HPS4: variants seen among roughly 807,000 people sequenced by gnomAD.
HPS4 encodes the protein BLOC-3 complex member HPS4.
HPS4 carries 44 observed loss-of-function variants against 70.3 expected under a neutral mutation model. The ratio of observed to expected loss-of-function variants is 0.63; its 90% confidence interval spans 0.49 to 0.80. The LOEUF (loss-of-function observed/expected upper bound fraction) is 0.80. HPS4 is among the 30% of genes least tolerant of loss of function. The probability of loss-of-function intolerance (pLI) is 0.00; values close to 1 mark genes in which losing one functional copy is unlikely to be tolerated. For synonymous variants in HPS4, 377 were observed against 355.9 expected, an observed-to-expected ratio of 1.06 and a Z score of -0.67; for missense variants, 873 against 884.4, an observed-to-expected ratio of 0.99 and a Z score of 0.16.
chr22:26,444,719 A>G (rs1320968069), intron 3 of HPS4: 2 of 152,292 alleles, frequency 1.3e-5, no homozygotes. Context: ...CACAGTTGAA[A>G]TGCACCAGGC....
chr22:26,481,145 T>C (rs1366868788), intron 2 of HPS4, among the ~76,000 whole-genome samples: 1 of 152,098 alleles, frequency 6.6e-6, no homozygotes, highest in East Asian at 1.9e-4. Context: ...GAAAGAAAAC[T>C]TGGGTGTCAT....
rs773505923 is a variant in HPS4, at chr22:26,472,400, G to A, written c.403C>T (p.Leu135=). ...LAYENCSQEE[L]STEWDTFIEQ... ...ATGAAGGTGTCCCACTCCGTGCTCA[G>A]TTCTTCCTGAGAACAGTTCTAAAAC... The change falls in exon 6 of 14, where the codon CTG becomes TTG. Residue 135 remains leucine, a synonymous_variant. Coordinates refer to ENST00000398145, the MANE Select transcript of HPS4 (RefSeq NM_022081.6). 3 of 1,609,182 alleles carry A rather than the reference G, an allele frequency of 1.9e-6. No individual in the cohort carries two copies. The highest frequency in any genetic ancestry group is 2.6e-6 in the Non-Finnish European group (3 of 1,175,446).
chr22:26,464,869 C>T (rs2146571630), intron 10 of HPS4, 43 bp from the exon 11 acceptor site: 1 of 1,536,632 alleles, frequency 6.5e-7, no homozygotes, highest in South Asian at 1.3e-5. Flanking sequence ...CGTTGACAGA[C>T]TGCAGGGCAA....
rs763291399 is a variant in HPS4 at position 26,481,680 on chromosome 22, C to T, written c.41+42G>A. 4 of 1,596,458 alleles carry T rather than the reference C, an allele frequency of 2.5e-6. No individual in the cohort carries two copies. The South Asian group carries it at 4.4e-5, about 18-fold the overall frequency. On this transcript the variant is annotated intron_variant, in intron 2 of 13. Coordinates refer to ENST00000398145, the MANE Select transcript of HPS4 (RefSeq NM_022081.6). Reference sequence around the variant, plus strand: ...CAATTAACCCCAAAACTCTAACCAACAGCCCAGCAAAAGCTATGCCATGGC... The same window carrying T: ...CAATTAACCCCAAAACTCTAACCAATAGCCCAGCAAAAGCTATGCCATGGC...
chr22:26,446,314 T>G (rs1601717790), downstream of HPS4, among the ~76,000 whole-genome samples: 1 of 152,290 alleles, frequency 6.6e-6, no homozygotes, highest in East Asian at 1.9e-4. Flanking sequence ...CATCAGCCCC[T>G]AGAGTCACCC....
intron 12 of HPS4, 140 bp from the exon 13 acceptor site, chr22:26,458,107 G>A (rs1184418925): frequency 6.4e-6 from 5 of 780,400 alleles, no homozygotes; most frequent in South Asian, 2.9e-5. Context: ...ACAAAGGCCC[G>A]GGGCATTGGG....
intron 11 of HPS4, among the ~76,000 whole-genome samples, chr22:26,461,385 C>T (rs905907115): frequency 1.3e-4 from 20 of 152,220 alleles, no homozygotes; most frequent in African/African-American, 3.6e-4. Flanking sequence ...GGACTATCAG[C>T]GGCTCTATGC....
chr22:26,472,578 G>C (rs529593305), intron 5 of HPS4, among the ~76,000 whole-genome samples, 160 bp from the exon 6 acceptor site: 1 of 152,354 alleles, frequency 6.6e-6, no homozygotes, highest in African/African-American at 2.4e-5. Context: ...GGCGCCTGCC[G>C]CGTGGGGGTG....
intron 7 of HPS4, among the ~76,000 whole-genome samples, chr22:26,469,478 G>A (rs1413343238): frequency 1.3e-5 from 2 of 151,604 alleles, no homozygotes; most frequent in African/African-American, 2.4e-5. Context: ...GGTGAAGAAA[G>A]AAGGGGGGCT....
intron 7 of HPS4, 139 bp from the exon 8 acceptor site, chr22:26,468,762 T>C (rs1018334541): frequency 3.8e-5 from 28 of 743,728 alleles, no homozygotes; most frequent in South Asian, 2.7e-4. Flanking sequence ...GTAAAACCCT[T>C]ACAGAGGGCA....
At chr22:26,471,010 C>T (rs984947184) in intron 6 of HPS4, 197 bp from the exon 7 acceptor site, 2 of 1,116,710 alleles carry the variant, frequency 1.8e-6, no homozygotes, top group Non-Finnish European at 1.3e-6. Context: ...GCTGACACCA[C>T]TAAATGCCAA....
At chr22:26,448,656 G>T (rs2085035375), downstream of HPS4, among the ~76,000 whole-genome samples, 1 of 152,152 alleles carries the variant, frequency 6.6e-6, no homozygotes, top group South Asian at 2.1e-4. Flanking sequence ...ACACCTCCCA[G>T]CTCTTGACAG....
chr22:26,444,358 T>C (rs1459702935), exon 4 of HPS4: 1 of 152,032 alleles, frequency 6.6e-6, no homozygotes, highest in East Asian at 1.9e-4. Flanking sequence ...CCCAAGCCAG[T>C]GTGTGCTAGT....
chr22:26,453,487 T>C, intron 13 of HPS4, 83 bp from the exon 14 acceptor site: 3 of 1,471,816 alleles, frequency 2.0e-6, no homozygotes, highest in Non-Finnish European at 2.8e-6. Flanking sequence ...AAGGTTCTTG[T>C]CACAGAGGAC....
chr22:26,457,209 A>C (rs896542153), intron 13 of HPS4, among the ~76,000 whole-genome samples: 6 of 125,880 alleles, frequency 4.8e-5, no homozygotes, highest in Non-Finnish European at 8.2e-5. Context: ...AGCACGTATT[A>C]CTTTTTTTTT....
chr22:26,478,719 T>A (rs1245929151), intron 3 of HPS4, among the ~76,000 whole-genome samples: 2 of 151,640 alleles, frequency 1.3e-5, no homozygotes, highest in South Asian at 2.1e-4. Flanking sequence ...AGTTTCACTC[T>A]TATTGCCCAG....
chr22:26,443,171 C>G (rs567864544), downstream of HPS4: 11 of 1,614,016 alleles, frequency 6.8e-6, no homozygotes, highest in Non-Finnish European at 8.5e-6. Context: ...GGCCGAACGG[C>G]AGGCTCTTGA....
chr22:26,461,154 G>A (rs995585957), intron 11 of HPS4, among the ~76,000 whole-genome samples: 2 of 152,222 alleles, frequency 1.3e-5, no homozygotes, highest in African/African-American at 2.4e-5. Context: ...GTGACACAGC[G>A]TGCAGCAGGA....
rs1353621874 is a variant in HPS4 at position 26,468,399 on chromosome 22, C to T, written c.669+152G>A. 3 of 718,108 alleles carry T rather than the reference C, an allele frequency of 4.2e-6. No homozygotes were observed. The South Asian group carries it at 4.6e-5, about 11-fold the overall frequency. The allele number at this position is 718,108 out of a possible 1,614,324, so 44.5% of individuals were successfully genotyped here. The stretch of plus-strand genomic sequence containing the variant: ...TTCAGCCTCACCAATGGCTTCACTA[C>T]TGAGGAGAATGACATTGGAGGACTT... On this transcript the variant is annotated intron_variant, in intron 8 of 13. Coordinates refer to ENST00000398145, the MANE Select transcript of HPS4 (RefSeq NM_022081.6).
Sources: allele counts gnomAD v4.1 joint callset (sites outside exome capture counted in the v4.1 genomes callset), GRCh38; gene constraint gnomAD v4.1.1; transcripts MANE v1.5; gene names NCBI Gene and HGNC (gene_info 2026-07-23, HGNC 2026-07-21).